VWF: variants seen among roughly 807,000 people sequenced by gnomAD.
VWF encodes the protein von Willebrand factor, also known as Factor VIII related antigen.
In VWF, 176 loss-of-function variants were observed where a neutral mutation model predicts 308.6. The observed-to-expected ratio is 0.57, with a 90% CI of 0.50 to 0.65. The LOEUF (loss-of-function observed/expected upper bound fraction) is 0.65, where lower values mean the gene tolerates loss of function less well. Ranked by LOEUF, VWF falls within the 30% of genes least tolerant of loss-of-function variation. The pLI is 0.00. For synonymous variants in VWF, 1,385 were observed against 1,443.4 expected, an observed-to-expected ratio of 0.96 and a Z score of 0.92; for missense variants, 3,146 against 3,648.2, an observed-to-expected ratio of 0.86 and a Z score of 3.55.
At chr12:6,002,527 A>T (rs1446213331) in intron 34 of VWF, among the ~76,000 whole-genome samples, 1 of 152,072 alleles carries the variant, frequency 6.6e-6, no homozygotes, top group East Asian at 1.9e-4. Flanking sequence ...CTATACAATA[A>T]ATGTGAAAAT....
chr12:6,034,861 C>A (rs573210060), intron 19 of VWF, 35 bp from the exon 20 acceptor site: 17 of 1,611,592 alleles, frequency 1.1e-5, no homozygotes, highest in East Asian at 2.2e-5. Flanking sequence ...ACAAGTTGGG[C>A]ACCTTGGGTT....
chr12:6,017,290 T>C (rs1399056273), intron 28 of VWF, among the ~76,000 whole-genome samples: 1 of 152,220 alleles, frequency 6.6e-6, no homozygotes, highest in Non-Finnish European at 1.5e-5. Flanking sequence ...CCTCAGATCT[T>C]GCAGGGCAGG....
chr12:6,013,899 G>C (rs567366555), intron 31 of VWF, among the ~76,000 whole-genome samples: 1 of 151,170 alleles, frequency 6.6e-6, no homozygotes, highest in Non-Finnish European at 1.5e-5. Context: ...TCCTCATGGA[G>C]AGATAGACAA....
In VWF at chr12:6,108,334, TAC is replaced by T. The variant is rs34140032; in HGVS notation, c.532+2038_532+2039del. On this transcript the variant is annotated intron_variant, in intron 5 of 51. Transcript: ENST00000261405. Reference sequence around the variant, plus strand: ...AGAAAGAAAGAAAGAAAGAAATATATACACACACACACACACACACACACACA... The same window carrying T: ...AGAAAGAAAGAAAGAAAGAAATATATACACACACACACACACACACACACA... 5.3e-3 allele frequency among the ~76,000 whole-genome samples: 653 copies of T among 124,126 alleles called. 7 individuals are homozygous for T. The highest frequency in any genetic ancestry group is 0.031 in the East Asian group (136 of 4,336). The allele number at this position is 124,126 out of a possible 152,430, so 81.4% of individuals were successfully genotyped here.
intron 34 of VWF, among the ~76,000 whole-genome samples, chr12:5,998,180 T>A (rs1477596396): frequency 6.6e-6 from 1 of 151,824 alleles, no homozygotes; most frequent in Non-Finnish European, 1.5e-5. Flanking sequence ...GTAGCCAAAG[T>A]GGGCCCTAAT....
intron 23 of VWF, 90 bp downstream of exon 23, chr12:6,025,816 C>A: frequency 6.2e-7 from 1 of 1,607,306 alleles, no homozygotes; most frequent in South Asian, 1.1e-5. Context: ...CCACCCACAA[C>A]CCCCCTTCCA....
At chr12:5,969,673 T>C (rs1291878575) in intron 44 of VWF, among the ~76,000 whole-genome samples, 1 of 152,220 alleles carries the variant, frequency 6.6e-6, no homozygotes, top group Non-Finnish European at 1.5e-5. Context: ...TGGTTTGAGC[T>C]GAGCTCAGAT....
In VWF at chr12:5,999,471, T is replaced by TACACACACACACACACAC. The variant is rs3062521; in HGVS notation, c.5843-3267_5843-3250dup. The stretch of plus-strand genomic sequence containing the variant: ...CCTTCAGGATCCACATGTACACACA[T>TACACACACACACACACAC]ACACACACACACACACACACACACA... On this transcript the variant is annotated intron_variant, in intron 34 of 51. Coordinates refer to ENST00000261405, the MANE Select transcript of VWF (RefSeq NM_000552.5). Among the ~76,000 whole-genome samples, 352 of 143,634 alleles carry TACACACACACACACACAC rather than the reference T, an allele frequency of 2.5e-3. 2 individuals are homozygous for TACACACACACACACACAC. Among genetic ancestry groups the TACACACACACACACACAC allele is most frequent in the African/African-American group, 8.7e-3 (335 of 38,596 alleles). The allele number at this position is 143,634 out of a possible 152,430, so 94.2% of individuals were successfully genotyped here. A position where few individuals can be genotyped will look rare whatever the true frequency, so the allele number is the denominator to read the frequency against.
At chr12:6,057,774 C>T (rs1280308932) in intron 14 of VWF, 75 bp downstream of exon 14, 2 of 1,490,002 alleles carry the variant, frequency 1.3e-6, no homozygotes, top group African/African-American at 2.8e-5. Context: ...GGAGCACTGC[C>T]TCCGGAACGC....
chr12:6,056,291 A>C (rs1266570399), intron 15 of VWF, among the ~76,000 whole-genome samples: 6 of 150,532 alleles, frequency 4.0e-5, no homozygotes, highest in African/African-American at 1.5e-4. Context: ...AAGTGAGCAC[A>C]ATAGATACCA....
Position 5,995,996 on chromosome 12 carries a change from T to A in VWF, c.6063+6A>T. ...TTACCACGGATCCACAGAAAGTACT[T>A]CTCACCTCCATGTCACTGTGCAGCT... is the stretch of plus-strand genomic sequence containing the variant. On this transcript the variant is annotated splice_donor_region_variant and intron_variant, in intron 35 of 51. Transcript: ENST00000261405. The A allele has an allele frequency of 6.2e-7, 1 of 1,612,012 alleles. No individual in the cohort carries two copies. Among genetic ancestry groups the A allele is most frequent in the African/African-American group, 1.3e-5 (1 of 74,970 alleles).
chr12:6,109,400 T>C (rs1338996188), intron 5 of VWF, among the ~76,000 whole-genome samples: 1 of 152,182 alleles, frequency 6.6e-6, no homozygotes, highest in Non-Finnish European at 1.5e-5. Flanking sequence ...TAGCCCTAAA[T>C]GTACATATCA....
rs745612376 is a variant in VWF, at chr12:6,052,636, C to T, written c.2093G>A (p.Arg698Lys). The T allele has an allele frequency of 2.0e-5, 32 of 1,614,274 alleles. No individual in the cohort carries two copies. Among genetic ancestry groups the T allele is most frequent in the Middle Eastern group, 1.6e-4 (1 of 6,062 alleles). ...FCPPGLYMDE[R>K]GDCVPKAQCP... ...CTGGGCCTTGGGCACGCAGTCCCCC[C>T]TCTCATCCATGTAGAGCCCTGGGGG... The change falls in exon 16 of 52, where the codon AGG (arginine) becomes AAG (lysine). Residue 698 changes from arginine (R) to lysine (K), a missense_variant. By Grantham distance (26) the Arg-to-Lys change is conservative. Transcript: ENST00000261405.
At chr12:6,104,645 TGAG>T (rs1203579570) in intron 5 of VWF, among the ~76,000 whole-genome samples, 1 of 151,120 alleles carries the variant, frequency 6.6e-6, no homozygotes, top group Non-Finnish European at 1.5e-5. Context: ...TGCAGTGAGC[TGAG>T]ATCAGGCCAC....
At position 5,952,538 on chromosome 12, in the gene VWF, G is replaced by A. The variant is rs776149665; in HGVS notation, c.7987-19C>T. 22 of 1,612,250 alleles carry A rather than the reference G, an allele frequency of 1.4e-5. No individual in the cohort carries two copies. Among genetic ancestry groups the A allele is most frequent in the Non-Finnish European group, 1.8e-5 (21 of 1,178,956 alleles). ...CATCACGCTGGAAGGAAAGAGGAGT[G>A]GGTAAAGTCAGAGACAGTGTTTGGT... On this transcript the variant is annotated intron_variant, in intron 48 of 51. Coordinates refer to ENST00000261405, the MANE Select transcript of VWF (RefSeq NM_000552.5).
chr12:6,041,627 T>C (rs1211021468), intron 18 of VWF, among the ~76,000 whole-genome samples: 1 of 151,616 alleles, frequency 6.6e-6, no homozygotes, highest in Non-Finnish European at 1.5e-5. Flanking sequence ...TTTTTGTATT[T>C]TTAGTAGAGA....
intron 47 of VWF, among the ~76,000 whole-genome samples, chr12:5,956,292 A>G (rs1234626891): frequency 1.3e-5 from 2 of 152,180 alleles, no homozygotes; most frequent in African/African-American, 4.8e-5. Context: ...TAAAAAGTTA[A>G]CTGTAAAACA....
chr12:5,981,493 G>A (rs1008744158), intron 42 of VWF, among the ~76,000 whole-genome samples: 1 of 152,184 alleles, frequency 6.6e-6, no homozygotes. Context: ...TCAGCACCTA[G>A]CCATGCTTAG....
At chr12:6,064,148 C>T (rs1944685863) in intron 12 of VWF, 98 bp downstream of exon 12, 9 of 1,580,648 alleles carry the variant, frequency 5.7e-6, no homozygotes. Flanking sequence ...ATGGAAGAGG[C>T]ATGCAGGTCC....
Sources: gnomAD v4.1 joint callset for allele counts (sites outside exome capture counted in the v4.1 genomes callset) on GRCh38, gnomAD v4.1.1 for gene constraint, MANE v1.5 for transcripts, NCBI Gene and HGNC (gene_info 2026-07-23, HGNC 2026-07-21) for gene names.